ST6GALNAC3: variants seen among roughly 807,000 people sequenced by gnomAD.
ST6GALNAC3 encodes alpha-N-acetylgalactosaminide alpha-2,6-sialyltransferase 3.
In ST6GALNAC3, 25 loss-of-function variants were observed where a neutral mutation model predicts 32.7. The ratio of observed to expected loss-of-function variants is 0.76; its 90% CI spans 0.56 to 1.07. The LOEUF is 1.07. Ranked by LOEUF, ST6GALNAC3 falls within the 50% of genes least tolerant of loss-of-function variation. The probability of loss-of-function intolerance (pLI) is 0.00; values close to 1 mark genes in which losing one functional copy is unlikely to be tolerated. For synonymous variants in ST6GALNAC3, 129 were observed against 133.1 expected (o/e 0.97, Z 0.21); for missense variants, 355 against 382.4 (o/e 0.93, Z 0.60).
intron 2 of ST6GALNAC3, among the ~76,000 whole-genome samples, chr1:76,407,550 T>A (rs888852567): frequency 2.6e-5 from 4 of 152,104 alleles, no homozygotes; most frequent in African/African-American, 9.7e-5. Context: ...CAGGGTTGGC[T>A]GAATATTTGT....
intron 3 of ST6GALNAC3, among the ~76,000 whole-genome samples, chr1:76,528,977 A>G (rs901853474): frequency 2.6e-5 from 4 of 151,556 alleles, no homozygotes; most frequent in Non-Finnish European, 5.9e-5. Flanking sequence ...GTATGCCAAT[A>G]TCATGAACAC....
chr1:76,289,940 G>T (rs1321739758), intron 1 of ST6GALNAC3, among the ~76,000 whole-genome samples: 1 of 152,228 alleles, frequency 6.6e-6, no homozygotes, highest in Non-Finnish European at 1.5e-5. Flanking sequence ...GGTGGAAATG[G>T]CTGTGATAGA....
chr1:76,593,256 G>A (rs1489248242), intron 3 of ST6GALNAC3, among the ~76,000 whole-genome samples: 2 of 152,164 alleles, frequency 1.3e-5, no homozygotes, highest in Admixed American at 6.5e-5. Context: ...ACAAAATGCA[G>A]TACAGAAGCA....
At chr1:76,487,662 T>G (rs1660214966) in intron 3 of ST6GALNAC3, among the ~76,000 whole-genome samples, 1 of 152,224 alleles carries the variant, frequency 6.6e-6, no homozygotes, top group African/African-American at 2.4e-5. Context: ...TTCTTTGAGA[T>G]GGGTTCGAAC....
At chr1:76,276,164 A>G (rs1327125591) in intron 1 of ST6GALNAC3, among the ~76,000 whole-genome samples, 1 of 151,554 alleles carries the variant, frequency 6.6e-6, no homozygotes, top group Non-Finnish European at 1.5e-5. Context: ...ATAAGTTAAA[A>G]TTATTCTGAA....
At chr1:76,440,378 G>C (rs962048316) in intron 3 of ST6GALNAC3, among the ~76,000 whole-genome samples, 10 of 152,208 alleles carry the variant, frequency 6.6e-5, no homozygotes, top group African/African-American at 2.4e-4. Flanking sequence ...AAAGAATGTA[G>C]CCATGGAGCT....
intron 1 of ST6GALNAC3, among the ~76,000 whole-genome samples, chr1:76,112,024 G>A (rs912976968): frequency 2.6e-5 from 4 of 151,478 alleles, no homozygotes; most frequent in Non-Finnish European, 5.9e-5. Flanking sequence ...GCCGGGCAGA[G>A]GCGCCCCTCA....
At position 76,294,294 on chromosome 1, in the gene ST6GALNAC3, C is replaced by T. The variant is rs1660264396; in HGVS notation, c.19-19511C>T. ...TATTATTTGTTAGAATGGAAACAAT[C>T]AATACATTTTCAGAGTCAAAAAGCA... On this transcript the variant is annotated intron_variant, in intron 1 of 4. Coordinates refer to ENST00000328299, the MANE Select transcript of ST6GALNAC3 (RefSeq NM_152996.4). Among the ~76,000 whole-genome samples the T allele has an allele frequency of 3.3e-5, 5 of 151,920 alleles. No homozygotes were observed. The South Asian group carries it at 1.0e-3, about 32-fold the overall frequency.
chr1:76,279,473 A>G (rs1339343272), intron 1 of ST6GALNAC3, among the ~76,000 whole-genome samples: 1 of 152,238 alleles, frequency 6.6e-6, no homozygotes, highest in Non-Finnish European at 1.5e-5. Flanking sequence ...GCTAGCCAAC[A>G]GGCCTCCAGA....
chr1:76,613,083 G>A (rs1648042274), intron 3 of ST6GALNAC3, among the ~76,000 whole-genome samples: 1 of 152,180 alleles, frequency 6.6e-6, no homozygotes, highest in Non-Finnish European at 1.5e-5. Context: ...GACAGTAGCT[G>A]CCAACAGAGT....
At chr1:76,591,023 T>C (rs751306975) in intron 3 of ST6GALNAC3, among the ~76,000 whole-genome samples, 13 of 152,200 alleles carry the variant, frequency 8.5e-5, no homozygotes, top group Non-Finnish European at 1.8e-4. Context: ...AGTGTAATTA[T>C]AGCTAGATAA....
At chr1:76,615,541 AG>A (rs1648237615) in intron 3 of ST6GALNAC3, among the ~76,000 whole-genome samples, 1 of 152,248 alleles carries the variant, frequency 6.6e-6, no homozygotes, top group South Asian at 2.1e-4. Flanking sequence ...AAGTGGTGAA[AG>A]CAAGTTTGCT....
At chr1:76,389,367 G>A (rs1652359545) in intron 2 of ST6GALNAC3, among the ~76,000 whole-genome samples, 1 of 152,166 alleles carries the variant, frequency 6.6e-6, no homozygotes, top group South Asian at 2.1e-4. Flanking sequence ...AGGGCACCTG[G>A]AGCCACATGA....
intron 2 of ST6GALNAC3, among the ~76,000 whole-genome samples, chr1:76,339,132 A>C (rs948524146): frequency 6.6e-6 from 1 of 152,194 alleles, no homozygotes; most frequent in African/African-American, 2.4e-5. Flanking sequence ...AGTGGTAGGC[A>C]GTGTAATGGC....
At chr1:76,229,263 A>G (rs1280010965) in intron 1 of ST6GALNAC3, among the ~76,000 whole-genome samples, 3 of 152,184 alleles carry the variant, frequency 2.0e-5, no homozygotes, top group Admixed American at 2.0e-4. Context: ...ATTGACCTCA[A>G]GTGGCCAGGA....
In ST6GALNAC3 at chr1:76,188,156, G is replaced by A. The variant is rs185547976; in HGVS notation, c.18+113272G>A. On this transcript the variant is annotated intron_variant, in intron 1 of 4. Coordinates refer to ENST00000328299, the MANE Select transcript of ST6GALNAC3 (RefSeq NM_152996.4). ...AGGTGGGTGGATCACGAGGTCAGGA[G>A]TTCGAGACCAGCCTGGCTAACATGG... Among the ~76,000 whole-genome samples the A allele has an allele frequency of 3.3e-3, 505 of 152,284 alleles. 1 individual carries two copies. Among genetic ancestry groups the A allele is most frequent in the African/African-American group, 0.011 (472 of 41,554 alleles).
intron 3 of ST6GALNAC3, among the ~76,000 whole-genome samples, chr1:76,536,115 A>C (rs941931995): frequency 6.6e-6 from 1 of 152,186 alleles, no homozygotes; most frequent in Non-Finnish European, 1.5e-5. Context: ...TAAGCTAGAA[A>C]TTTTTGGACA....
chr1:76,084,769 A>G (rs1307638820), intron 1 of ST6GALNAC3, among the ~76,000 whole-genome samples: 5 of 142,962 alleles, frequency 3.5e-5, no homozygotes, highest in Non-Finnish European at 7.7e-5. Flanking sequence ...CCCTGCTCCA[A>G]CTCGTTGTCC....
At chr1:76,248,742 C>G (rs112797029) in intron 1 of ST6GALNAC3, among the ~76,000 whole-genome samples, 8,079 of 152,142 alleles carry the variant, frequency 0.053, 300 homozygotes, top group Middle Eastern at 0.13. Flanking sequence ...CCCTCTTCTA[C>G]CCTTTTCCTT....
Sources: gnomAD v4.1 joint callset for allele counts (sites outside exome capture counted in the v4.1 genomes callset) on GRCh38, gnomAD v4.1.1 for gene constraint, MANE v1.5 for transcripts, NCBI Gene and HGNC (gene_info 2026-07-23, HGNC 2026-07-21) for gene names.